The following CADM1 variants were observed in gnomAD, a reference collection of about 807,000 sequenced individuals.
CADM1 encodes cell adhesion molecule 1.
In CADM1, 15 loss-of-function variants were observed where a neutral mutation model predicts 53.1. The observed-to-expected ratio is 0.28, with a 90% CI of 0.19 to 0.44. The LOEUF (loss-of-function observed/expected upper bound fraction) is 0.44, where lower values mean the gene tolerates loss of function less well. Ranked by LOEUF, CADM1 falls within the 20% of genes least tolerant of loss-of-function variation. CADM1 has a pLI of 1.00. For missense variants in CADM1, 434 were observed against 611.3 expected (o/e 0.71, Z 3.06); for synonymous variants, 281 against 243.0 (o/e 1.16, Z -1.45).
At chr11:115,293,596 C>T (rs1432342329) in intron 1 of CADM1, among the ~76,000 whole-genome samples, 1 of 152,160 alleles carries the variant, frequency 6.6e-6, no homozygotes, top group Non-Finnish European at 1.5e-5. Context: ...AACCCAAAAT[C>T]ATAAATTTGA....
chr11:115,446,800 G>A (rs1188420473), intron 1 of CADM1, among the ~76,000 whole-genome samples: 1 of 152,146 alleles, frequency 6.6e-6, no homozygotes, highest in African/African-American at 2.4e-5. Flanking sequence ...ATGTCCTGGA[G>A]GGGTATCCCT....
intron 1 of CADM1, among the ~76,000 whole-genome samples, chr11:115,374,159 CCTT>C (rs1946381854): frequency 6.6e-6 from 1 of 152,072 alleles, no homozygotes; most frequent in South Asian, 2.1e-4. Flanking sequence ...AAACAAAAAA[CCTT>C]CTAAGATGAG....
Position 115,175,682 on chromosome 11 carries a change from G to A in CADM1, c.*792C>T, listed in dbSNP as rs758071943. On this transcript the variant is annotated 3_prime_UTR_variant, in exon 12 of 12. Transcript: ENST00000331581. Reference sequence around the variant, plus strand: ...CAGCGTAGGGTATCTATACTGAGCCGTCTACAGATACAGAATTAAAGACAG... The same window carrying A: ...CAGCGTAGGGTATCTATACTGAGCCATCTACAGATACAGAATTAAAGACAG... The A allele has an allele frequency of 2.4e-5, 24 of 986,968 alleles. No individual in the cohort carries two copies. Among genetic ancestry groups the A allele is most frequent in the South Asian group, 1.4e-4 (3 of 21,342 alleles). The allele number at this position is 986,968 out of a possible 1,614,324, so 61.1% of individuals were successfully genotyped here. A position where few individuals can be genotyped will look rare whatever the true frequency, so the allele number is the denominator to read the frequency against.
intron 1 of CADM1, among the ~76,000 whole-genome samples, chr11:115,373,583 C>CAAAAAAAAAAAAAAAAAAAAAAAAA (rs35059216): frequency 2.0e-5 from 1 of 48,828 alleles, no homozygotes; most frequent in African/African-American, 1.1e-4. Context: ...GACTCTGTCT[C>CAAAAAAAAAAAAAAAAAAAAAAAAA]AAAAAAAAAA....
At position 115,273,091 on chromosome 11, in the gene CADM1, C is replaced by T. The variant is rs190459160; in HGVS notation, c.125-32671G>A. On this transcript the variant is annotated intron_variant, in intron 1 of 11. Transcript: ENST00000331581. ...CTTGTTTCCAAGAAAGCTACTTAGT[C>T]GTCACACATGAACACAGTAGATATC... 4.9e-3 allele frequency among the ~76,000 whole-genome samples: 750 copies of T among 152,174 alleles called. 4 individuals are homozygous for T. The highest frequency in any genetic ancestry group is 8.3e-3 in the Non-Finnish European group (564 of 67,996).
intron 1 of CADM1, among the ~76,000 whole-genome samples, chr11:115,354,288 T>C (rs1247773457): frequency 1.3e-5 from 2 of 152,204 alleles, no homozygotes; most frequent in African/African-American, 4.8e-5. Context: ...ATTATTCATG[T>C]TTTCAAATTG....
At chr11:115,296,945 GAATTA>G (rs930792557) in intron 1 of CADM1, among the ~76,000 whole-genome samples, 22 of 152,086 alleles carry the variant, frequency 1.4e-4, no homozygotes, top group Admixed American at 4.6e-4. Flanking sequence ...ATAAATCAGT[GAATTA>G]AATTCCTGAC....
chr11:115,488,137 TCA>T (rs1482905513), intron 1 of CADM1, among the ~76,000 whole-genome samples: 1 of 152,040 alleles, frequency 6.6e-6, no homozygotes, highest in Non-Finnish European at 1.5e-5. Context: ...AATAATCCAC[TCA>T]CAATGCCTAA....
intron 1 of CADM1, among the ~76,000 whole-genome samples, chr11:115,308,189 GGTGT>G (rs200028770): frequency 9.5e-5 from 8 of 84,436 alleles, no homozygotes; most frequent in African/African-American, 3.0e-4. Flanking sequence ...ATCACTCATA[GGTGT>G]GTATATATAT....
intron 1 of CADM1, among the ~76,000 whole-genome samples, chr11:115,292,122 T>C (rs1431404046): frequency 6.6e-6 from 1 of 152,168 alleles, no homozygotes; most frequent in African/African-American, 2.4e-5. Flanking sequence ...CCACCTGGTG[T>C]GATGGCAAAA....
At chr11:115,262,509 C>T (rs1943006916) in intron 1 of CADM1, among the ~76,000 whole-genome samples, 1 of 152,220 alleles carries the variant, frequency 6.6e-6, no homozygotes, top group Non-Finnish European at 1.5e-5. Flanking sequence ...ATAAGCACCT[C>T]ACTTGTCCTG....
intron 1 of CADM1, among the ~76,000 whole-genome samples, chr11:115,501,528 G>C (rs1949726750): frequency 6.6e-6 from 1 of 152,184 alleles, no homozygotes; most frequent in South Asian, 2.1e-4. Flanking sequence ...TAACAGGCGT[G>C]ATTAACACTG....
intron 1 of CADM1, among the ~76,000 whole-genome samples, chr11:115,413,290 T>C (rs1286171228): frequency 1.3e-5 from 2 of 152,220 alleles, no homozygotes; most frequent in Admixed American, 1.3e-4. Flanking sequence ...AGATTATTAC[T>C]TCGTTGACAA....
intron 1 of CADM1, among the ~76,000 whole-genome samples, chr11:115,402,385 T>C (rs998740591): frequency 6.6e-6 from 1 of 152,040 alleles, no homozygotes; most frequent in African/African-American, 2.4e-5. Context: ...TAGCTGGGTG[T>C]GGTGGTGCGT....
chr11:115,345,100 A>G (rs1334657032), intron 1 of CADM1, among the ~76,000 whole-genome samples: 1 of 152,200 alleles, frequency 6.6e-6, no homozygotes, highest in Non-Finnish European at 1.5e-5. Flanking sequence ...GTCTAGGGAC[A>G]GCAAACAATT....
At chr11:115,264,948 G>T (rs1433108539) in intron 1 of CADM1, among the ~76,000 whole-genome samples, 1 of 152,146 alleles carries the variant, frequency 6.6e-6, no homozygotes, top group Non-Finnish European at 1.5e-5. Flanking sequence ...TGCCATGAAG[G>T]TAAGTGAACA....
At chr11:115,228,457 T>C (rs1273885780) in intron 5 of CADM1, among the ~76,000 whole-genome samples, 1 of 152,162 alleles carries the variant, frequency 6.6e-6, no homozygotes, top group Non-Finnish European at 1.5e-5. Context: ...AAATACAAAG[T>C]GAGAAGCTGG....
intron 8 of CADM1, among the ~76,000 whole-genome samples, chr11:115,204,176 A>T (rs1228130101): frequency 6.6e-6 from 1 of 152,244 alleles, no homozygotes; most frequent in Admixed American, 6.5e-5. Context: ...ACATAAATAC[A>T]TGCAAAATAA....
chr11:115,450,863 A>C (rs1238331397), intron 1 of CADM1, among the ~76,000 whole-genome samples: 1 of 152,196 alleles, frequency 6.6e-6, no homozygotes, highest in Non-Finnish European at 1.5e-5. Flanking sequence ...AAAGAACTTA[A>C]GGGACTATGG....
Sources: gnomAD v4.1 joint callset for allele counts (sites outside exome capture counted in the v4.1 genomes callset) on GRCh38, gnomAD v4.1.1 for gene constraint, MANE v1.5 for transcripts, NCBI Gene and HGNC (gene_info 2026-07-23, HGNC 2026-07-21) for gene names.